The following EXT2 variants were observed in gnomAD, a reference collection of about 807,000 sequenced individuals.
The protein encoded by EXT2 is exostosin glycosyltransferase 2.
EXT2 carries 53 observed loss-of-function variants against 81.6 expected under a neutral mutation model. That is an observed-to-expected ratio of 0.65 (90% CI 0.52 to 0.82). The LOEUF is 0.82. Among genes scored for constraint, EXT2 ranks in the 40% least tolerant of loss-of-function variants. EXT2 has a pLI of 0.00. For missense variants in EXT2, 774 were observed against 910.2 expected (o/e 0.85, Z 1.93); for synonymous variants, 320 against 340.0 (o/e 0.94, Z 0.65).
chr11:44,204,648 C>A (rs1955560867), intron 9 of EXT2, among the ~76,000 whole-genome samples: 1 of 152,152 alleles, frequency 6.6e-6, no homozygotes, highest in Non-Finnish European at 1.5e-5. Context: ...CCTATCAGAT[C>A]AGTGGCAGCA....
At chr11:44,183,080 T>C (rs889101604) in intron 8 of EXT2, among the ~76,000 whole-genome samples, 4 of 152,366 alleles carry the variant, frequency 2.6e-5, no homozygotes, top group South Asian at 2.1e-4. Context: ...AGATTCAAAT[T>C]ATGCATTTTG....
At chr11:44,208,395 A>T (rs1444606303) in intron 10 of EXT2, among the ~76,000 whole-genome samples, 1 of 152,176 alleles carries the variant, frequency 6.6e-6, no homozygotes, top group Non-Finnish European at 1.5e-5. Context: ...GGGTGGGCTA[A>T]ATGTATTTCT....
At chr11:44,156,651 C>T (rs189382793) in intron 7 of EXT2, among the ~76,000 whole-genome samples, 84 of 152,276 alleles carry the variant, frequency 5.5e-4, no homozygotes, top group African/African-American at 2.0e-3. Context: ...CTCAAGCTTC[C>T]TCAAAAGAGC....
intron 7 of EXT2, among the ~76,000 whole-genome samples, chr11:44,136,747 T>C (rs1954573826): frequency 6.6e-6 from 1 of 152,142 alleles, no homozygotes; most frequent in Admixed American, 6.5e-5. Context: ...CCCCTCCTCC[T>C]CCCCTCTCCA....
At chr11:44,199,239 G>A (rs555348277) in intron 9 of EXT2, among the ~76,000 whole-genome samples, 9 of 152,318 alleles carry the variant, frequency 5.9e-5, no homozygotes, top group African/African-American at 1.7e-4. Flanking sequence ...AAAGGAAGAT[G>A]TGGGCATCAT....
Position 44,171,728 on chromosome 11 carries a change from G to A in EXT2, c.1291G>A (p.Asp431Asn), listed in dbSNP as rs886048276. Residue 431 changes from aspartate (D) to asparagine (N), a missense_variant, in exon 8 of 14, where the codon GAC becomes AAC. Physicochemically the swap from Asp to Asn is conservative, Grantham distance 23. Transcript: ENST00000533608. ...YAAISYEEWN[D>N]PPAVKWGSVS... ...TGCCATCTCCTATGAAGAATGGAAT[G>A]ACCCTCCTGCTGTGGTAAGTGAATT... is the stretch of plus-strand genomic sequence containing the variant. 10 of 1,613,998 alleles carry A rather than the reference G, an allele frequency of 6.2e-6. No individual in the cohort carries two copies. The highest frequency in any genetic ancestry group is 8.5e-6 in the Non-Finnish European group (10 of 1,179,908).
At chr11:44,157,165 G>A (rs1954866255) in intron 7 of EXT2, among the ~76,000 whole-genome samples, 1 of 152,230 alleles carries the variant, frequency 6.6e-6, no homozygotes, top group African/African-American at 2.4e-5. Context: ...TGCTTGGACT[G>A]TGCTGGATCA....
intron 12 of EXT2, among the ~76,000 whole-genome samples, chr11:44,234,522 A>G (rs1955938378): frequency 6.6e-6 from 1 of 152,118 alleles, no homozygotes; most frequent in African/African-American, 2.4e-5. Context: ...AAATCAAAAA[A>G]TTATATTCTC....
intron 10 of EXT2, among the ~76,000 whole-genome samples, chr11:44,218,705 A>G (rs1955747564): frequency 6.6e-6 from 1 of 151,450 alleles, no homozygotes; most frequent in Admixed American, 6.6e-5. Flanking sequence ...GATGCTGTAT[A>G]ACGTTTATAT....
intron 8 of EXT2, among the ~76,000 whole-genome samples, chr11:44,173,411 G>A (rs1386616006): frequency 6.6e-6 from 1 of 151,834 alleles, no homozygotes; most frequent in Admixed American, 6.6e-5. Context: ...TTTAGCACTA[G>A]ATCATAGACT....
chr11:44,221,833 C>G (rs187889725), intron 10 of EXT2, among the ~76,000 whole-genome samples: 5 of 152,270 alleles, frequency 3.3e-5, no homozygotes, highest in Admixed American at 2.0e-4. Flanking sequence ...GTACAACTGC[C>G]TGCAAAATCG....
chr11:44,228,353 A>G (rs1432693354), intron 10 of EXT2, among the ~76,000 whole-genome samples: 1 of 152,226 alleles, frequency 6.6e-6, no homozygotes, highest in Non-Finnish European at 1.5e-5. Flanking sequence ...CAAAAGGCTT[A>G]CCCAGAGCAT....
intron 6 of EXT2, among the ~76,000 whole-genome samples, chr11:44,128,145 T>C (rs778340000): frequency 4.6e-5 from 7 of 152,266 alleles, no homozygotes; most frequent in Non-Finnish European, 7.3e-5. Context: ...CATTCATTCA[T>C]TCATTTATTC....
chr11:44,199,978 G>T (rs951717108), intron 9 of EXT2, among the ~76,000 whole-genome samples: 2 of 152,118 alleles, frequency 1.3e-5, no homozygotes, highest in African/African-American at 2.4e-5. Context: ...ACTAACAGTG[G>T]TTTTTAGGTC....
intron 10 of EXT2, among the ~76,000 whole-genome samples, chr11:44,224,728 G>A (rs1955820503): frequency 6.6e-6 from 1 of 152,192 alleles, no homozygotes. Context: ...AGAAAACAAA[G>A]GGGATATGCT....
intron 3 of EXT2, among the ~76,000 whole-genome samples, chr11:44,113,367 G>A (rs578111779): frequency 1.3e-5 from 2 of 152,228 alleles, no homozygotes; most frequent in South Asian, 4.1e-4. Flanking sequence ...GATTTCGATG[G>A]GTTTGGGGTC....
chr11:44,096,231 G>A (rs1489641326), intron 1 of EXT2: 13 of 1,535,660 alleles, frequency 8.5e-6, no homozygotes, highest in Non-Finnish European at 1.1e-5. Flanking sequence ...CCAGCCACAG[G>A]GATCTGATTC....
chr11:44,206,264 G>A (rs576112391), intron 9 of EXT2, among the ~76,000 whole-genome samples: 4 of 152,174 alleles, frequency 2.6e-5, no homozygotes, highest in Non-Finnish European at 5.9e-5. Flanking sequence ...GGGGACCTTC[G>A]GCACATGCAC....
At chr11:44,103,151 C>A (rs1480627606) in intron 1 of EXT2, among the ~76,000 whole-genome samples, 1 of 152,034 alleles carries the variant, frequency 6.6e-6, no homozygotes, top group Non-Finnish European at 1.5e-5. Flanking sequence ...TTAAGATATA[C>A]CTTGAATAGA....
Sources: gnomAD v4.1 joint callset for allele counts (sites outside exome capture counted in the v4.1 genomes callset) on GRCh38, gnomAD v4.1.1 for gene constraint, MANE v1.5 for transcripts, NCBI Gene and HGNC (gene_info 2026-07-23, HGNC 2026-07-21) for gene names.